CRYBG3: variants seen among roughly 807,000 people sequenced by gnomAD.
CRYBG3 encodes the protein very large A-kinase anchor protein.
A neutral mutation model predicts 244.2 loss-of-function variants in CRYBG3; 127 were observed. That is an observed-to-expected ratio of 0.52 (90% CI 0.45 to 0.60). The LOEUF (loss-of-function observed/expected upper bound fraction) is 0.60, where lower values mean the gene tolerates loss of function less well. Among genes scored for constraint, CRYBG3 ranks in the 20% least tolerant of loss-of-function variants. The pLI, the probability that CRYBG3 is intolerant of heterozygous loss-of-function variation, is 0.00. For missense variants in CRYBG3, 3,325 were observed against 3,442.5 expected (o/e 0.97, Z 0.85); for synonymous variants, 1,132 against 1,195.8 (o/e 0.95, Z 1.10).
intron 3 of CRYBG3, among the ~76,000 whole-genome samples, chr3:97,867,797 G>A (rs1046378932): frequency 3.3e-5 from 5 of 152,158 alleles, no homozygotes; most frequent in Non-Finnish European, 7.4e-5. Context: ...GAATAAAAAT[G>A]TGATGGTAAC....
intron 9 of CRYBG3, 49 bp downstream of exon 9, chr3:97,888,504 C>A: frequency 8.2e-7 from 1 of 1,212,220 alleles, no homozygotes; most frequent in South Asian, 1.2e-5. Flanking sequence ...ACCCATGAAT[C>A]CAAAATTAAA....
intron 17 of CRYBG3, among the ~76,000 whole-genome samples, chr3:97,932,696 G>A (rs1011300734): frequency 6.6e-6 from 1 of 152,052 alleles, no homozygotes; most frequent in Non-Finnish European, 1.5e-5. Context: ...CAGTGTGGGA[G>A]GAGAAGCAAG....
chr3:97,856,938 G>C (rs1274108569), intron 2 of CRYBG3, among the ~76,000 whole-genome samples: 2 of 151,858 alleles, frequency 1.3e-5, no homozygotes, highest in African/African-American at 4.8e-5. Context: ...CTAATTTGGG[G>C]GTTGGCTTAT....
intron 17 of CRYBG3, chr3:97,933,191 C>A: frequency 2.3e-6 from 1 of 429,232 alleles, no homozygotes; most frequent in Non-Finnish European, 4.6e-6. Flanking sequence ...GAAATCACCA[C>A]CATTCTTGTG....
intron 19 of CRYBG3, 37 bp downstream of exon 19, chr3:97,936,945 G>C (rs779567557): frequency 2.5e-6 from 4 of 1,596,622 alleles, no homozygotes; most frequent in Admixed American, 1.8e-5. Flanking sequence ...CAAATAGCTT[G>C]CTTTTGTGGT....
chr3:97,930,108 T>C (rs573248088), intron 17 of CRYBG3, among the ~76,000 whole-genome samples: 5 of 152,178 alleles, frequency 3.3e-5, no homozygotes, highest in African/African-American at 9.6e-5. Flanking sequence ...CTAGATTTTT[T>C]CCCCCTCTGG....
chr3:97,934,068 G>A (rs1330675320), intron 18 of CRYBG3, among the ~76,000 whole-genome samples: 1 of 152,042 alleles, frequency 6.6e-6, no homozygotes, highest in African/African-American at 2.4e-5. Flanking sequence ...CAGCAACTTT[G>A]GTTAAGACAA....
Position 97,898,895 on chromosome 3 carries a change from T to A in CRYBG3, c.7714T>A (p.Ser2572Thr), listed in dbSNP as rs781526548. The change falls in exon 13 of 22, where the codon TCT (serine) becomes ACT (threonine). Residue 2572 changes from serine to threonine, a missense_variant. By Grantham distance (58) the Ser-to-Thr change is moderately conservative (BLOSUM62 1). Around this residue, in one of 4 missense-constraint regions of CRYBG3, gnomAD observed 714 missense variants for 803.6 expected, o/e 0.89. Transcript: ENST00000389622. ...FRYLQANFIE[S>T]SVTLFESDLE... ...TTTCTCCTTTTAGAATTTTATAGAATCTTCTGTCACACTATTTGAATCTGA... is the reference window on the plus strand; with the variant it reads ...TTTCTCCTTTTAGAATTTTATAGAAACTTCTGTCACACTATTTGAATCTGA... 6.3e-7 allele frequency: 1 copy of A among 1,589,106 alleles called. No homozygotes were observed. The highest frequency in any genetic ancestry group is 1.8e-5 in the Admixed American group (1 of 55,000).
chr3:97,853,406 T>TACAC (rs57065921), intron 2 of CRYBG3, among the ~76,000 whole-genome samples: 18,818 of 147,642 alleles, frequency 0.13, 1,315 homozygotes, highest in Middle Eastern at 0.2. Flanking sequence ...ACACATACAA[T>TACAC]ACACACACAC....
In CRYBG3 at chr3:97,883,481, A is replaced by AC. The variant is rs201654103; in HGVS notation, c.7152+2270dup. Among the ~76,000 whole-genome samples, 530 of 151,462 alleles carry AC rather than the reference A, an allele frequency of 3.5e-3. 3 individuals are homozygous for AC. The highest frequency in any genetic ancestry group is 8.6e-3 in the South Asian group (41 of 4,776). ...TATATGGCAAACAGCCACCTCTCTC[A>AC]CCCCCCCCACCAAAATCAAACAATA... On this transcript the variant is annotated intron_variant, in intron 7 of 21. Transcript: ENST00000389622.
intron 3 of CRYBG3, among the ~76,000 whole-genome samples, chr3:97,866,839 A>G (rs951544685): frequency 6.6e-5 from 10 of 152,212 alleles, no homozygotes; most frequent in African/African-American, 2.2e-4. Flanking sequence ...GCAATTCTCC[A>G]AAGTCTCCTC....
intron 3 of CRYBG3, among the ~76,000 whole-genome samples, chr3:97,870,081 G>GA (rs2039283350): frequency 6.6e-6 from 1 of 152,028 alleles, no homozygotes. Context: ...TGTTTAATCA[G>GA]AAAAAAATCA....
intron 17 of CRYBG3, among the ~76,000 whole-genome samples, chr3:97,916,905 T>C (rs1347991461): frequency 1.3e-5 from 2 of 152,116 alleles, no homozygotes; most frequent in Non-Finnish European, 1.5e-5. Context: ...AATAATGTGA[T>C]CTGGCAAGTC....
intron 2 of CRYBG3, among the ~76,000 whole-genome samples, chr3:97,851,400 T>A (rs889613669): frequency 2.6e-5 from 4 of 152,168 alleles, no homozygotes; most frequent in Non-Finnish European, 4.4e-5. Context: ...CTAGTCATGA[T>A]GAAAGTATGT....
chr3:97,825,964 T>C (rs2038571143), intron 1 of CRYBG3, among the ~76,000 whole-genome samples: 1 of 152,190 alleles, frequency 6.6e-6, no homozygotes, highest in Admixed American at 6.5e-5. Context: ...TTTTTATTGA[T>C]TTGAAGCACT....
chr3:97,927,527 A>C (rs2040053175), intron 17 of CRYBG3, among the ~76,000 whole-genome samples: 1 of 152,084 alleles, frequency 6.6e-6, no homozygotes, highest in Non-Finnish European at 1.5e-5. Flanking sequence ...TTTATGAGGA[A>C]GCCCCCAAAA....
chr3:97,834,758 T>G (rs1338760544), intron 1 of CRYBG3, among the ~76,000 whole-genome samples: 1 of 152,186 alleles, frequency 6.6e-6, no homozygotes, highest in African/African-American at 2.4e-5. Flanking sequence ...GCAAAGGAAT[T>G]AACATTAGGT....
Position 97,877,934 on chromosome 3 carries a change from A to C in CRYBG3, c.6740A>C (p.His2247Pro). ...CAGTATCTGCAGACTTCCCAAAGTCATTCCTCAGAAAAAGGAGCCAGATTT... is the reference window on the plus strand; with the variant it reads ...CAGTATCTGCAGACTTCCCAAAGTCCTTCCTCAGAAAAAGGAGCCAGATTT... ...YHQYLQTSQS[H>P]SSEKGARFGG... The change falls in exon 4 of 22, where the codon CAT becomes CCT. Residue 2247 changes from histidine to proline, a missense_variant. His to Pro is a moderately conservative substitution (Grantham distance 77). Around this residue, in one of 4 missense-constraint regions of CRYBG3, gnomAD observed 450 missense variants for 424.1 expected, o/e 1.06. Coordinates refer to ENST00000389622, the MANE Select transcript of CRYBG3 (RefSeq NM_153605.4). The C allele has an allele frequency of 6.2e-7, 1 of 1,614,166 alleles. No homozygotes were observed.
At chr3:97,915,461 T>G in intron 16 of CRYBG3, 149 bp from the exon 17 acceptor site, 7 of 585,088 alleles carry the variant, frequency 1.2e-5, no homozygotes, top group Non-Finnish European at 1.7e-5. Flanking sequence ...GTGGTAGCTG[T>G]TGTGTTTTTT....
Sources: gnomAD v4.1 joint callset for allele counts (sites outside exome capture counted in the v4.1 genomes callset) on GRCh38, gnomAD v4.1.1 for gene constraint, gnomAD v4.1.1 regional missense constraint, MANE v1.5 for transcripts, NCBI Gene and HGNC (gene_info 2026-07-23, HGNC 2026-07-21) for gene names.